Variants in MIR2052HG observed in about 807,000 individuals in gnomAD.
MIR2052HG encodes the protein MIR2052 host gene.
chr8:74,612,855 C>T (rs575299839), exon 2 of MIR2052HG: 9 of 455,996 alleles, frequency 2.0e-5, no homozygotes, highest in African/African-American at 1.2e-4. Flanking sequence ...TTCTGCAGTT[C>T]CCGAGAGATC....
chr8:74,686,157 G>T (rs1482026216), intron 2 of MIR2052HG, among the ~76,000 whole-genome samples: 1 of 150,320 alleles, frequency 6.7e-6, no homozygotes, highest in African/African-American at 2.4e-5. Context: ...ACTTTTTCCT[G>T]GTTCTGTTGC....
intron 4 of MIR2052HG, among the ~76,000 whole-genome samples, chr8:74,721,596 T>A (rs1809578795): frequency 6.6e-6 from 1 of 152,300 alleles, no homozygotes; most frequent in East Asian, 1.9e-4. Context: ...AGGGACTCTC[T>A]ATGAGGCCTC....
intron 2 of MIR2052HG, among the ~76,000 whole-genome samples, chr8:74,694,999 A>G (rs971736048): frequency 1.3e-5 from 2 of 152,200 alleles, no homozygotes; most frequent in African/African-American, 4.8e-5. Flanking sequence ...CATTGCAAAA[A>G]GTTAATAACC....
At chr8:74,622,613 G>GA (rs916530341) in intron 2 of MIR2052HG, among the ~76,000 whole-genome samples, 3 of 149,250 alleles carry the variant, frequency 2.0e-5, no homozygotes, top group African/African-American at 7.4e-5. Context: ...CAAAAAATTA[G>GA]AAAAAAAATT....
chr8:74,704,508 C>A (rs1015175864), intron 4 of MIR2052HG, among the ~76,000 whole-genome samples: 2 of 152,006 alleles, frequency 1.3e-5, no homozygotes, highest in Non-Finnish European at 2.9e-5. Flanking sequence ...TATAGACTTC[C>A]ATTCCTCCTA....
chr8:74,749,878 T>C (rs1809927147), intron 4 of MIR2052HG, among the ~76,000 whole-genome samples: 1 of 149,166 alleles, frequency 6.7e-6, no homozygotes, highest in Non-Finnish European at 1.5e-5. Flanking sequence ...TATTGTAGGC[T>C]ACATTTGGAG....
At chr8:74,740,691 G>A (rs2128755691) in intron 4 of MIR2052HG, among the ~76,000 whole-genome samples, 1 of 152,212 alleles carries the variant, frequency 6.6e-6, no homozygotes, top group African/African-American at 2.4e-5. Flanking sequence ...GATATTGTTG[G>A]AATGAGACAC....
chr8:74,623,907 G>A (rs1286018556), intron 2 of MIR2052HG, among the ~76,000 whole-genome samples: 1 of 152,120 alleles, frequency 6.6e-6, no homozygotes, highest in Non-Finnish European at 1.5e-5. Context: ...GGTGAACAAA[G>A]TTAAAAAGCT....
chr8:74,713,149 G>C (rs548267597), intron 4 of MIR2052HG, among the ~76,000 whole-genome samples: 6 of 152,296 alleles, frequency 3.9e-5, no homozygotes, highest in African/African-American at 1.2e-4. Flanking sequence ...GGGAGGCACT[G>C]TTCTAAGTCC....
At chr8:74,645,901 GT>G (rs1268865570) in intron 2 of MIR2052HG, among the ~76,000 whole-genome samples, 14 of 152,100 alleles carry the variant, frequency 9.2e-5, no homozygotes, top group Admixed American at 5.9e-4. Flanking sequence ...CTAAGCCTAT[GT>G]TTTTTGTGGA....
At chr8:74,716,043 C>A (rs1809517149) in intron 4 of MIR2052HG, among the ~76,000 whole-genome samples, 1 of 152,208 alleles carries the variant, frequency 6.6e-6, no homozygotes, top group African/African-American at 2.4e-5. Flanking sequence ...CCAGAAAGCT[C>A]TGGTAGGAGG....
intron 2 of MIR2052HG, among the ~76,000 whole-genome samples, chr8:74,658,214 A>G (rs931946611): frequency 6.6e-6 from 1 of 152,152 alleles, no homozygotes; most frequent in Non-Finnish European, 1.5e-5. Context: ...TCCATCTGCC[A>G]GCATTCCCTT....
At chr8:74,740,105 AATT>A (rs750693712) in intron 4 of MIR2052HG, among the ~76,000 whole-genome samples, 8 of 152,160 alleles carry the variant, frequency 5.3e-5, no homozygotes, top group Non-Finnish European at 7.3e-5. Flanking sequence ...TGACTTAAAA[AATT>A]ATTATTATTT....
intron 2 of MIR2052HG, among the ~76,000 whole-genome samples, chr8:74,635,288 A>G (rs1456520758): frequency 6.6e-6 from 1 of 151,522 alleles, no homozygotes; most frequent in African/African-American, 2.4e-5. Context: ...AGTGAATTGC[A>G]TTAAACATAC....
chr8:74,667,447 AG>A (rs1294661753), intron 2 of MIR2052HG, among the ~76,000 whole-genome samples: 2 of 152,222 alleles, frequency 1.3e-5, no homozygotes, highest in East Asian at 1.9e-4. Flanking sequence ...TATTATTTAA[AG>A]GGAATGTAAA....
At chr8:74,609,175 T>A (rs906299236) in intron 1 of MIR2052HG, among the ~76,000 whole-genome samples, 2 of 151,964 alleles carry the variant, frequency 1.3e-5, no homozygotes, top group African/African-American at 4.8e-5. Context: ...TCTTAAAATA[T>A]GTGAATAAAT....
chr8:74,697,362 G>A (rs1007282631), intron 2 of MIR2052HG, among the ~76,000 whole-genome samples: 16 of 152,008 alleles, frequency 1.1e-4, no homozygotes, highest in Non-Finnish European at 1.6e-4. Flanking sequence ...CAAATCCACC[G>A]CCAACATTAT....
intron 4 of MIR2052HG, among the ~76,000 whole-genome samples, chr8:74,727,113 T>C (rs1267265349): frequency 6.6e-6 from 1 of 152,242 alleles, no homozygotes; most frequent in Non-Finnish European, 1.5e-5. Context: ...TTACACATTT[T>C]GTTTAGAATA....
chr8:74,723,487 C>T (rs1349806568), intron 4 of MIR2052HG, among the ~76,000 whole-genome samples: 2 of 152,106 alleles, frequency 1.3e-5, no homozygotes, highest in Non-Finnish European at 2.9e-5. Context: ...TATTTCTACT[C>T]CTTCCTAGCT....
Sources: allele counts gnomAD v4.1 joint callset (sites outside exome capture counted in the v4.1 genomes callset), GRCh38; gene constraint gnomAD v4.1.1; transcripts MANE v1.5; gene names NCBI Gene and HGNC (gene_info 2026-07-23, HGNC 2026-07-21).